MAP3K7CL: variants seen among roughly 807,000 people sequenced by gnomAD.
MAP3K7CL encodes MAP3K7 C-terminal-like protein.
A neutral mutation model predicts 18.6 loss-of-function variants in MAP3K7CL; 16 were observed. That is an observed-to-expected ratio of 0.86 (90% confidence interval 0.58 to 1.31). The LOEUF is 1.31. MAP3K7CL is among the 50% of genes most tolerant of loss of function. MAP3K7CL has a pLI of 0.00. For missense variants in MAP3K7CL, 163 were observed against 174.4 expected, an observed-to-expected ratio of 0.93 and a Z score of 0.37; for synonymous variants, 65 against 66.8, an observed-to-expected ratio of 0.97 and a Z score of 0.13.
At chr21:29,156,073 T>C (rs1002265629) in intron 3 of MAP3K7CL, among the ~76,000 whole-genome samples, 4 of 152,238 alleles carry the variant, frequency 2.6e-5, no homozygotes, top group Non-Finnish European at 5.9e-5. Flanking sequence ...TATTTCATTC[T>C]TTAAGCAGGA....
upstream of MAP3K7CL, among the ~76,000 whole-genome samples, chr21:29,082,944 T>C (rs2085860849): frequency 6.6e-6 from 1 of 152,202 alleles, no homozygotes; most frequent in South Asian, 2.1e-4. Flanking sequence ...AGCTTTTTTT[T>C]TTTCTTGAGC....
chr21:29,101,120 C>T (rs1044030694), intron 4 of MAP3K7CL, among the ~76,000 whole-genome samples: 6 of 151,578 alleles, frequency 4.0e-5, no homozygotes, highest in Non-Finnish European at 7.4e-5. Flanking sequence ...TTTTATCTTA[C>T]GATTTCTGTG....
At chr21:29,130,094 C>G (rs1352807884), upstream of MAP3K7CL, among the ~76,000 whole-genome samples, 4 of 152,182 alleles carry the variant, frequency 2.6e-5, no homozygotes, top group African/African-American at 7.2e-5. Flanking sequence ...TTCTTTCAGT[C>G]TGTGGCTTGT....
In MAP3K7CL at chr21:29,174,790, T is replaced by G. The variant is rs774196544; in HGVS notation, c.327T>G (p.Ala109=). Residue 109 remains alanine (A), a synonymous_variant, in exon 5 of 5, where the codon GCT becomes GCG. Coordinates refer to ENST00000399928, the MANE Select transcript of MAP3K7CL (RefSeq NM_001286620.2). ...DAAELVREFE[A]LTEENRTLRL... The stretch of plus-strand genomic sequence containing the variant: ...CTGAGCTGGTTCGGGAATTCGAGGC[T>G]CTGACGGAGGAGAATCGGACGTTGA... 1 of 1,614,038 alleles carries G rather than the reference T, an allele frequency of 6.2e-7. No individual in the cohort carries two copies. Among genetic ancestry groups the G allele is most frequent in the Non-Finnish European group, 8.5e-7 (1 of 1,180,018 alleles).
At chr21:29,165,142 C>T (rs2087653542) in intron 4 of MAP3K7CL, among the ~76,000 whole-genome samples, 1 of 152,086 alleles carries the variant, frequency 6.6e-6, no homozygotes, top group South Asian at 2.1e-4. Context: ...AAGCTACAAT[C>T]AACTGTAAAG....
chr21:29,119,754 C>T (rs1233345912), intron 4 of MAP3K7CL, among the ~76,000 whole-genome samples: 1 of 151,730 alleles, frequency 6.6e-6, no homozygotes, highest in African/African-American at 2.4e-5. Flanking sequence ...CCTCCACCTC[C>T]CGGGTTCAAG....
intron 4 of MAP3K7CL, chr21:29,109,595 A>G (rs2086384469): frequency 9.9e-7 from 1 of 1,005,526 alleles, no homozygotes; most frequent in African/African-American, 1.7e-5. Context: ...TTTAATGTAA[A>G]TAGCACATTA....
At chr21:29,171,790 G>C (rs1414234230) in intron 4 of MAP3K7CL, among the ~76,000 whole-genome samples, 1 of 117,710 alleles carries the variant, frequency 8.5e-6, no homozygotes, top group African/African-American at 3.5e-5. Flanking sequence ...CTGGGTGACA[G>C]AGTGAGACTC....
At chr21:29,123,025 A>G (rs989837953) in intron 4 of MAP3K7CL, among the ~76,000 whole-genome samples, 1 of 150,198 alleles carries the variant, frequency 6.7e-6, no homozygotes, top group Non-Finnish European at 1.5e-5. Flanking sequence ...GCTATTTTCA[A>G]AATGAAGTCA....
chr21:29,090,019 G>A (rs1231432705), intron 1 of MAP3K7CL, among the ~76,000 whole-genome samples: 4 of 152,166 alleles, frequency 2.6e-5, no homozygotes, highest in South Asian at 2.1e-4. Flanking sequence ...GATACTATTC[G>A]ACCCATTTCC....
intron 3 of MAP3K7CL, among the ~76,000 whole-genome samples, chr21:29,150,855 C>T (rs566157619): frequency 2.6e-5 from 4 of 151,284 alleles, no homozygotes; most frequent in African/African-American, 4.9e-5. Context: ...CTGCAAACTC[C>T]ACCTCCTGGG....
intron 4 of MAP3K7CL, among the ~76,000 whole-genome samples, chr21:29,174,473 A>G (rs1322841962): frequency 6.6e-6 from 1 of 152,172 alleles, no homozygotes; most frequent in Non-Finnish European, 1.5e-5. Context: ...CTACTAAAGA[A>G]CCTATGGGAC....
chr21:29,099,676 G>T (rs2086186901), intron 4 of MAP3K7CL, among the ~76,000 whole-genome samples: 1 of 152,110 alleles, frequency 6.6e-6, no homozygotes, highest in African/African-American at 2.4e-5. Flanking sequence ...CAGCTGGAAG[G>T]ATCTCTGTGA....
chr21:29,133,302 A>G lies in MAP3K7CL; in HGVS notation c.-39-4A>G, dbSNP rs1326167282. The G allele has an allele frequency of 7.1e-6, 11 of 1,549,320 alleles. No homozygotes were observed. The highest frequency in any genetic ancestry group is 9.6e-6 in the Non-Finnish European group (11 of 1,145,998). On this transcript the variant is annotated splice_region_variant and splice_polypyrimidine_tract_variant and intron_variant, in intron 1 of 4. Coordinates refer to ENST00000399928, the MANE Select transcript of MAP3K7CL (RefSeq NM_001286620.2). Reference sequence around the variant, plus strand: ...GTGACAATGGCTCTCTCTTGCTGTCACAGCTGGAAGACCCAGGAGAAGGCG... The same window carrying G: ...GTGACAATGGCTCTCTCTTGCTGTCGCAGCTGGAAGACCCAGGAGAAGGCG...
chr21:29,093,083 T>C (rs576846571), intron 4 of MAP3K7CL, among the ~76,000 whole-genome samples: 37 of 152,228 alleles, frequency 2.4e-4, no homozygotes, highest in Non-Finnish European at 5.1e-4. Flanking sequence ...TTTGTATTTT[T>C]AGTAGAGATG....
intron 4 of MAP3K7CL, among the ~76,000 whole-genome samples, chr21:29,163,043 G>A (rs1447050887): frequency 1.3e-5 from 2 of 152,160 alleles, no homozygotes; most frequent in Admixed American, 6.5e-5. Context: ...CCCAGTAGGC[G>A]GAGGTTGCAG....
At chr21:29,168,339 T>C (rs1450428140) in intron 4 of MAP3K7CL, among the ~76,000 whole-genome samples, 1 of 152,222 alleles carries the variant, frequency 6.6e-6, no homozygotes, top group Non-Finnish European at 1.5e-5. Flanking sequence ...TTCCCAAGAC[T>C]GACTTGGCTA....
upstream of MAP3K7CL, among the ~76,000 whole-genome samples, chr21:29,129,610 A>G (rs1175511508): frequency 2.0e-5 from 3 of 152,222 alleles, no homozygotes; most frequent in East Asian, 5.8e-4. Flanking sequence ...AAATTTTGGC[A>G]ATTATGCATA....
chr21:29,165,146 T>G (rs2087653628), intron 4 of MAP3K7CL, among the ~76,000 whole-genome samples: 1 of 152,174 alleles, frequency 6.6e-6, no homozygotes, highest in South Asian at 2.1e-4. Flanking sequence ...TACAATCAAC[T>G]GTAAAGTTTG....
Sources: gnomAD v4.1 joint callset for allele counts (sites outside exome capture counted in the v4.1 genomes callset) on GRCh38, gnomAD v4.1.1 for gene constraint, MANE v1.5 for transcripts, NCBI Gene and HGNC (gene_info 2026-07-23, HGNC 2026-07-21) for gene names.